The following KAZN variants were observed in gnomAD, a reference collection of about 807,000 sequenced individuals.
KAZN encodes kazrin, periplakin interacting protein.
In KAZN, 40 loss-of-function variants were observed where a neutral mutation model predicts 87.4. That is an observed-to-expected ratio of 0.46 (90% confidence interval 0.36 to 0.60). KAZN has a LOEUF of 0.60. Among genes scored for constraint, KAZN ranks in the 20% least tolerant of loss-of-function variants. The pLI is 0.00. For missense variants in KAZN, 898 were observed against 1,073.9 expected (o/e 0.84, Z 2.29); for synonymous variants, 466 against 458.3 (o/e 1.02, Z -0.22).
intron 1 of KAZN, among the ~76,000 whole-genome samples, chr1:14,665,604 C>G (rs1228289585): frequency 6.6e-6 from 1 of 152,148 alleles, no homozygotes; most frequent in African/African-American, 2.4e-5. Flanking sequence ...TGTAGGCCAA[C>G]TCCAGGCCTG....
At position 15,094,785 on chromosome 1, in the gene KAZN, C is replaced by T; in HGVS notation, c.1429-30C>T. On this transcript the variant is annotated intron_variant, in intron 9 of 14. Coordinates refer to ENST00000376030, the MANE Select transcript of KAZN (RefSeq NM_201628.3). This position sits in a 1 kb window ranked among gnomAD's most constrained non-coding sequence, Gnocchi z 4.5. ...GGAACCCCGCCGGCAGCTGTCCCAGCCCCCATATGACACTCCCTCCCGGGG... is the reference window on the plus strand; with the variant it reads ...GGAACCCCGCCGGCAGCTGTCCCAGTCCCCATATGACACTCCCTCCCGGGG... 6 of 1,510,264 alleles carry T rather than the reference C, an allele frequency of 4.0e-6. No individual in the cohort carries two copies. Among genetic ancestry groups the T allele is most frequent in the Non-Finnish European group, 4.5e-6 (5 of 1,112,446 alleles). The allele number at this position is 1,510,264 out of a possible 1,614,324, so 93.6% of individuals were successfully genotyped here.
At chr1:14,326,947 T>C (rs769695098) in intron 2 of KAZN, among the ~76,000 whole-genome samples, 2 of 152,116 alleles carry the variant, frequency 1.3e-5, no homozygotes, top group Non-Finnish European at 2.9e-5. Context: ...TCATAGTACA[T>C]AGTTATTGTT....
intron 1 of KAZN, among the ~76,000 whole-genome samples, chr1:14,681,631 A>ATATAT (rs1640609166): frequency 8.9e-5 from 1 of 11,296 alleles, no homozygotes; most frequent in Non-Finnish European, 1.7e-4. Flanking sequence ...ATATATATAT[A>ATATAT]TATATATATA....
At chr1:14,489,613 A>T (rs549627522) in intron 2 of KAZN, among the ~76,000 whole-genome samples, 54 of 151,948 alleles carry the variant, frequency 3.6e-4, no homozygotes, top group Admixed American at 1.3e-4. Context: ...ACATGCCTGT[A>T]ATCCCAGCTA....
intron 1 of KAZN, among the ~76,000 whole-genome samples, chr1:14,116,959 T>A (rs1247851715): frequency 3.9e-5 from 6 of 152,252 alleles, no homozygotes; most frequent in Non-Finnish European, 8.8e-5. Context: ...AGCCCCTTTG[T>A]TCTGGCCATT....
chr1:15,031,249 A>G (rs1055590620), intron 2 of KAZN, among the ~76,000 whole-genome samples: 5 of 151,860 alleles, frequency 3.3e-5, no homozygotes, highest in African/African-American at 9.7e-5. Context: ...ACAAATGACC[A>G]CTCTGGCCTT....
At chr1:14,141,326 A>C (rs1398132344) in intron 1 of KAZN, among the ~76,000 whole-genome samples, 1 of 151,460 alleles carries the variant, frequency 6.6e-6, no homozygotes, top group Non-Finnish European at 1.5e-5. Context: ...CTGGCCGCAG[A>C]AGCTATGTCT....
intron 1 of KAZN, among the ~76,000 whole-genome samples, chr1:14,661,423 G>A (rs1440038078): frequency 1.3e-5 from 2 of 152,124 alleles, no homozygotes; most frequent in Non-Finnish European, 2.9e-5. Flanking sequence ...CAATGGGCCA[G>A]ATAGTAACTA....
chr1:14,268,152 C>A (rs745713713), intron 2 of KAZN, among the ~76,000 whole-genome samples: 2 of 152,156 alleles, frequency 1.3e-5, no homozygotes, highest in Non-Finnish European at 2.9e-5. Flanking sequence ...ATAGTAGACA[C>A]CTTGAGGTTA....
chr1:14,052,088 C>G (rs541051868), intron 1 of KAZN, among the ~76,000 whole-genome samples: 1 of 152,158 alleles, frequency 6.6e-6, no homozygotes, highest in Non-Finnish European at 1.5e-5. Context: ...AGAATACGCT[C>G]CTTGATTCAG....
chr1:14,294,834 C>T (rs1653991560), intron 2 of KAZN, among the ~76,000 whole-genome samples: 1 of 151,700 alleles, frequency 6.6e-6, no homozygotes, highest in Non-Finnish European at 1.5e-5. Context: ...TCTTTACCAA[C>T]TCTAGAGTGC....
At chr1:14,890,289 G>A (rs138880270) in intron 1 of KAZN, among the ~76,000 whole-genome samples, 141 of 152,240 alleles carry the variant, frequency 9.3e-4, no homozygotes, top group Middle Eastern at 3.4e-3. Context: ...TTGCCCCTGG[G>A]GAGAGGTTTC....
intron 10 of KAZN, among the ~76,000 whole-genome samples, chr1:15,097,876 C>CA (rs1010829188): frequency 2.0e-5 from 3 of 152,162 alleles, no homozygotes; most frequent in Non-Finnish European, 4.4e-5. Flanking sequence ...AGTCACACTA[C>CA]AAAAAACCTG....
chr1:14,692,297 C>CT, intron 1 of KAZN: 1 of 595,718 alleles, frequency 1.7e-6, no homozygotes, highest in Non-Finnish European at 2.7e-6. Context: ...TCTCTGCCTG[C>CT]TTTTTAATGG....
rs114099650 is a variant in KAZN, at chr1:14,967,467, C to T, written c.418+6592C>T. On this transcript the variant is annotated intron_variant, in intron 2 of 14. Coordinates refer to ENST00000376030, the MANE Select transcript of KAZN (RefSeq NM_201628.3). The stretch of plus-strand genomic sequence containing the variant: ...GTTTTTGGCAGAATAATGATGTCCC[C>T]CTCTCCCAAAGATGTCCCCAGCCTA... Among the ~76,000 whole-genome samples the T allele has an allele frequency of 5.7e-3, 867 of 152,306 alleles. 6 individuals are homozygous for T. Among genetic ancestry groups the T allele is most frequent in the African/African-American group, 0.02 (815 of 41,560 alleles).
At chr1:13,987,633 A>G (rs1247783432) in intron 1 of KAZN, among the ~76,000 whole-genome samples, 1 of 152,100 alleles carries the variant, frequency 6.6e-6, no homozygotes, top group Non-Finnish European at 1.5e-5. Flanking sequence ...TTGTGTCATC[A>G]TATGGCACAA....
At chr1:14,513,130 A>T (rs1308281964) in intron 2 of KAZN, among the ~76,000 whole-genome samples, 1 of 152,194 alleles carries the variant, frequency 6.6e-6, no homozygotes, top group Non-Finnish European at 1.5e-5. Context: ...GTCTCCAGGC[A>T]CACTCCCTTT....
chr1:14,662,964 CATAT>C (rs141562526), intron 1 of KAZN, among the ~76,000 whole-genome samples: 15 of 127,958 alleles, frequency 1.2e-4, no homozygotes, highest in Non-Finnish European at 1.7e-4. Flanking sequence ...TATATGCACA[CATAT>C]ATATATATAT....
chr1:14,413,492 A>G (rs1664473330), intron 2 of KAZN, among the ~76,000 whole-genome samples: 2 of 146,268 alleles, frequency 1.4e-5, no homozygotes, highest in Admixed American at 1.4e-4. Flanking sequence ...CGGGAGGCTG[A>G]GGCAGGAGAA....
Sources: allele counts gnomAD v4.1 joint callset (sites outside exome capture counted in the v4.1 genomes callset), GRCh38; gene constraint gnomAD v4.1.1; non-coding constraint Gnocchi (gnomAD v3.1); transcripts MANE v1.5; gene names NCBI Gene and HGNC (gene_info 2026-07-23, HGNC 2026-07-21).